Variants in FANCI observed in about 807,000 individuals in gnomAD.
FANCI encodes the protein FA complementation group I.
A neutral mutation model predicts 176.1 loss-of-function variants in FANCI; 156 were observed. That is an observed-to-expected ratio of 0.89 (90% CI 0.78 to 1.01). The LOEUF is 1.01. FANCI is among the 50% of genes least tolerant of loss of function. The pLI, the probability that FANCI is intolerant of heterozygous loss-of-function variation, is 0.00. For missense variants in FANCI, 1,678 were observed against 1,534.1 expected (o/e 1.09, Z -1.57); for synonymous variants, 613 against 541.7 (o/e 1.13, Z -1.83).
intron 13 of FANCI, among the ~76,000 whole-genome samples, chr15:89,277,885 G>A (rs2053468944): frequency 6.6e-6 from 1 of 152,086 alleles, no homozygotes; most frequent in Admixed American, 6.5e-5. Context: ...TGCTGAAAAT[G>A]TTTATTTGGG....
At position 89,305,374 on chromosome 15, in the gene FANCI, A is replaced by G. The variant is rs1450182027; in HGVS notation, c.3220A>G (p.Ile1074Val). 1 of 1,613,956 alleles carries G rather than the reference A, an allele frequency of 6.2e-7. No individual in the cohort carries two copies. Among genetic ancestry groups the G allele is most frequent in the Non-Finnish European group, 8.5e-7 (1 of 1,180,046 alleles). ...VEVEKTNHFA[I>V]VNLRTAAPTV... is the part of the protein sequence containing the mutation. ...GGTGGAGAAAACAAACCACTTTGCA[A>G]TAGTGAATTTGAGAACGGCTGCCCC... Residue 1074 changes from isoleucine (I) to valine (V), a missense_variant, in exon 30 of 38, where the codon ATA (isoleucine) becomes GTA (valine). Coordinates refer to ENST00000310775, the MANE Select transcript of FANCI (RefSeq NM_001113378.2).
intron 6 of FANCI, 132 bp downstream of exon 6, chr15:89,262,010 CTATT>C (rs1043307346): frequency 4.1e-5 from 31 of 751,558 alleles, no homozygotes; most frequent in Admixed American, 2.0e-4. Flanking sequence ...CACTATAAAA[CTATT>C]TAGTCTGCAA....
Position 89,291,732 on chromosome 15 carries a change from C to T in FANCI, c.1992+18C>T, listed in dbSNP as rs767569497. ...AACCACTGGTGAGACTTTTATTCTTCCTTCAACCATTATTTTTAGTATTAA... is the reference window on the plus strand; with the variant it reads ...AACCACTGGTGAGACTTTTATTCTTTCTTCAACCATTATTTTTAGTATTAA... On this transcript the variant is annotated intron_variant, in intron 20 of 37. Transcript: ENST00000310775. The T allele has an allele frequency of 6.3e-7, 1 of 1,584,100 alleles. No homozygotes were observed. The highest frequency in any genetic ancestry group is 8.7e-7 in the Non-Finnish European group (1 of 1,153,026).
chr15:89,305,975 G>T, intron 31 of FANCI, 32 bp from the exon 32 acceptor site: 1 of 1,611,530 alleles, frequency 6.2e-7, no homozygotes, highest in Non-Finnish European at 8.5e-7. Flanking sequence ...AACGAAGTTG[G>T]GTTTGAATGT....
At chr15:89,275,733 A>AGGAAATTCCT (rs2053386586) in intron 12 of FANCI, among the ~76,000 whole-genome samples, 1 of 152,250 alleles carries the variant, frequency 6.6e-6, no homozygotes, top group African/African-American at 2.4e-5. Context: ...CTCACTAACC[A>AGGAAATTCCT]GGAAATTCCT....
At chr15:89,296,785 G>A (rs1489844381) in intron 24 of FANCI, among the ~76,000 whole-genome samples, 1 of 151,636 alleles carries the variant, frequency 6.6e-6, no homozygotes, top group Admixed American at 6.6e-5. Flanking sequence ...CCTCCCAGAC[G>A]GGGCGGCTGG....
chr15:89,272,963 G>A lies in FANCI; in HGVS notation c.883-414G>A, dbSNP rs12591427. ...ATTACAGGCATAAGCCACCACACCC[G>A]GCCAAGGGACTTACTGTTAAATAGG... On this transcript the variant is annotated intron_variant, in intron 10 of 37. Transcript: ENST00000310775. Among the ~76,000 whole-genome samples the A allele has an allele frequency of 1.4e-3, 208 of 152,054 alleles. 4 individuals carry two copies. The East Asian group carries it at 0.03, about 22-fold the overall frequency.
intron 36 of FANCI, 65 bp from the exon 37 acceptor site, chr15:89,315,217 G>T: frequency 8.3e-7 from 1 of 1,202,368 alleles, no homozygotes; most frequent in South Asian, 1.2e-5. Context: ...AACTAAAAAT[G>T]GCTTAAGCTG....
chr15:89,282,736 C>G (rs1567158281), intron 16 of FANCI: 3 of 278,880 alleles, frequency 1.1e-5, no homozygotes, highest in Non-Finnish European at 2.1e-5. Context: ...GGACAGTTTA[C>G]ATGGCATCAA....
chr15:89,316,800 A>G lies in FANCI; in HGVS notation c.*341A>G, dbSNP rs779072487. On this transcript the variant is annotated 3_prime_UTR_variant, in exon 38 of 38. Transcript: ENST00000310775. ...TTCCAAGGAGCCTTTGGTGAGTTCA[A>G]TTATCTGGTAAATATCCAGCGCTTC... is the stretch of plus-strand genomic sequence containing the variant. 9.3e-6 allele frequency: 15 copies of G among 1,613,834 alleles called. No individual in the cohort carries two copies. The highest frequency in any genetic ancestry group is 2.7e-5 in the African/African-American group (2 of 74,902).
chr15:89,285,537 G>A (rs2053781018), intron 18 of FANCI, among the ~76,000 whole-genome samples: 2 of 152,318 alleles, frequency 1.3e-5, no homozygotes, highest in East Asian at 1.9e-4. Flanking sequence ...TGAGGCAGGA[G>A]GATCCCAGCA....
At chr15:89,244,631 C>G (rs1177595614) in intron 1 of FANCI, among the ~76,000 whole-genome samples, 1 of 152,244 alleles carries the variant, frequency 6.6e-6, no homozygotes, top group Admixed American at 6.5e-5. Context: ...CCGCCTGCCC[C>G]TTCTGGCTGG....
Position 89,300,368 on chromosome 15 carries a change from C to A in FANCI, c.2872C>A (p.Gln958Lys). The A allele has an allele frequency of 6.2e-7, 1 of 1,613,796 alleles. No individual in the cohort carries two copies. The highest frequency in any genetic ancestry group is 8.5e-7 in the Non-Finnish European group (1 of 1,179,800). Reference protein sequence around the residue: ...DVSVTQRTAFQIRQFQRSLLN... With the variant: ...DVSVTQRTAFKIRQFQRSLLN... The stretch of plus-strand genomic sequence containing the variant: ...CAGTGTCACTCAGAGAACAGCATTC[C>A]AGATCCGGCAATTTCAGGTGAGAAG... The change falls in exon 26 of 38, where the codon CAG becomes AAG. Residue 958 changes from glutamine to lysine, a missense_variant. Gln to Lys is a moderately conservative substitution (Grantham distance 53). This residue lies in a region of FANCI where 1,204 missense variants were observed against 1,077.4 expected (regional missense o/e 1.12). Transcript: ENST00000310775.
At chr15:89,250,698 A>AAT (rs551660561) in intron 2 of FANCI, among the ~76,000 whole-genome samples, 59 of 149,530 alleles carry the variant, frequency 3.9e-4, no homozygotes, top group Non-Finnish European at 7.6e-4. Flanking sequence ...GTATAATAAA[A>AAT]ATATATATAT....
chr15:89,274,081 C>T, intron 11 of FANCI, 87 bp from the exon 12 acceptor site: 2 of 1,058,728 alleles, frequency 1.9e-6, no homozygotes, highest in East Asian at 2.6e-5. Context: ...ATAATATTTG[C>T]TTTATTTTCT....
chr15:89,261,166 G>T (rs1160980404), intron 4 of FANCI, among the ~76,000 whole-genome samples: 1 of 152,172 alleles, frequency 6.6e-6, no homozygotes, highest in Non-Finnish European at 1.5e-5. Flanking sequence ...AGCTACTTGG[G>T]AGGCTGAGGC....
intron 28 of FANCI, among the ~76,000 whole-genome samples, chr15:89,304,450 A>C (rs1362866737): frequency 6.6e-6 from 1 of 152,254 alleles, no homozygotes; most frequent in Non-Finnish European, 1.5e-5. Flanking sequence ...ATGAAGTTCA[A>C]AATTAGACAA....
At position 89,273,472 on chromosome 15, in the gene FANCI, A is replaced by AT. The variant is rs751890595; in HGVS notation, c.975+10dup. 1.6e-5 allele frequency: 23 copies of AT among 1,411,588 alleles called. No homozygotes were observed. Among genetic ancestry groups the AT allele is most frequent in the Non-Finnish European group, 2.3e-5 (23 of 1,009,330 alleles). 87.4% of individuals were successfully genotyped at this position (1,411,588 alleles called of 1,614,324 possible). A position where few individuals can be genotyped will look rare whatever the true frequency, so the allele number is the denominator to read the frequency against. The stretch of plus-strand genomic sequence containing the variant: ...GAATACAAAGATTTCAGGACCAGGT[A>AT]TTTTTTTAAAATGCCATTTTGTTTC... On this transcript the variant is annotated splice_donor_region_variant and intron_variant, in intron 11 of 37. Coordinates refer to ENST00000310775, the MANE Select transcript of FANCI (RefSeq NM_001113378.2).
At chr15:89,282,367 A>G (rs888183501) in intron 16 of FANCI, 1 of 164,808 alleles carries the variant, frequency 6.1e-6, no homozygotes, top group African/African-American at 2.4e-5. Flanking sequence ...GTTGAGGGGA[A>G]TGAGTTTTAT....
Sources: allele counts gnomAD v4.1 joint callset (sites outside exome capture counted in the v4.1 genomes callset), GRCh38; gene constraint gnomAD v4.1.1; regional missense constraint gnomAD v4.1.1; transcripts MANE v1.5; gene names NCBI Gene and HGNC (gene_info 2026-07-23, HGNC 2026-07-21).